Variants in GALNT10 observed in about 807,000 individuals in gnomAD.
GALNT10 encodes the protein GalNAc transferase 10.
In GALNT10, 41 loss-of-function variants were observed where a neutral mutation model predicts 75.0. That is an observed-to-expected ratio of 0.55 (90% CI 0.43 to 0.71). The LOEUF is 0.71. Ranked by LOEUF, GALNT10 falls within the 30% of genes least tolerant of loss-of-function variation. The pLI is 0.00. For synonymous variants in GALNT10, 302 were observed against 313.0 expected (o/e 0.96, Z 0.37); for missense variants, 727 against 818.5 (o/e 0.89, Z 1.36).
chr5:154,213,707 C>T (rs145404344), intron 1 of GALNT10, among the ~76,000 whole-genome samples: 284 of 152,190 alleles, frequency 1.9e-3, no homozygotes, highest in African/African-American at 6.4e-3. Context: ...TCAACACCCC[C>T]GGTTGCTGGG....
At chr5:154,350,293 G>C (rs1755187901) in intron 4 of GALNT10, among the ~76,000 whole-genome samples, 1 of 152,326 alleles carries the variant, frequency 6.6e-6, no homozygotes, top group South Asian at 2.1e-4. Context: ...CTTCAGCATG[G>C]CTGGGGCATG....
chr5:154,419,441 T>C lies in GALNT10; in HGVS notation c.*2469T>C, dbSNP rs1756585894. 6.6e-6 allele frequency: 1 copy of C among 152,296 alleles called. No individual in the cohort carries two copies. The highest frequency in any genetic ancestry group is 3.4e-3 in the Middle Eastern group (1 of 294). The allele number at this position is 152,296 out of a possible 1,614,324, so 9.4% of individuals were successfully genotyped here. ...GCCGAGCACTAGCTAGACTTCCACA[T>C]AGTCCCACCCCAAGTGGGCGGCAGT... is the stretch of plus-strand genomic sequence containing the variant. On this transcript the variant is annotated 3_prime_UTR_variant, in exon 12 of 12. Transcript: ENST00000297107.
chr5:154,254,428 G>A lies in GALNT10; in HGVS notation c.160-40388G>A, dbSNP rs1430972170. ...GAATCATTCCTGTTGGCAAAGAAAT[G>A]TTTACTAAGAGATGTTTTGTTTTTT... is the stretch of plus-strand genomic sequence containing the variant. On this transcript the variant is annotated intron_variant, in intron 1 of 11. Transcript: ENST00000297107. Among the ~76,000 whole-genome samples the A allele has an allele frequency of 4.0e-5, 6 of 151,712 alleles. No homozygotes were observed. The East Asian group carries it at 9.6e-4, about 24-fold the overall frequency.
chr5:154,278,363 C>G (rs977706901), intron 1 of GALNT10, among the ~76,000 whole-genome samples: 1 of 152,148 alleles, frequency 6.6e-6, no homozygotes, highest in Non-Finnish European at 1.5e-5. Context: ...TTGGGGACTT[C>G]TAGTCAAATA....
chr5:154,297,554 A>T (rs764085606), intron 2 of GALNT10, among the ~76,000 whole-genome samples: 2 of 152,224 alleles, frequency 1.3e-5, no homozygotes, highest in Non-Finnish European at 2.9e-5. Flanking sequence ...TGATCAGCTC[A>T]CAGATGGTGG....
intron 1 of GALNT10, among the ~76,000 whole-genome samples, chr5:154,219,015 C>CCCT (rs1431952777): frequency 6.6e-6 from 1 of 152,190 alleles, no homozygotes; most frequent in African/African-American, 2.4e-5. Flanking sequence ...CTGCCCAGAG[C>CCCT]CCTCCCCCGG....
chr5:154,398,339 G>C (rs1756089172), intron 7 of GALNT10, among the ~76,000 whole-genome samples: 1 of 152,254 alleles, frequency 6.6e-6, no homozygotes, highest in South Asian at 2.1e-4. Context: ...TCAGTGGCCT[G>C]TATTTGTCTG....
At chr5:154,268,195 G>T (rs968772716) in intron 1 of GALNT10, among the ~76,000 whole-genome samples, 1 of 152,174 alleles carries the variant, frequency 6.6e-6, no homozygotes, top group Non-Finnish European at 1.5e-5. Context: ...CACCTTGTAA[G>T]GGAGCAAGTC....
chr5:154,290,258 ATTTTTT>A (rs71577131), intron 1 of GALNT10, among the ~76,000 whole-genome samples: 80 of 98,896 alleles, frequency 8.1e-4, no homozygotes, highest in African/African-American at 3.0e-3. Flanking sequence ...CACTCAGCTA[ATTTTTT>A]TTTTTTTTTT....
intron 4 of GALNT10, among the ~76,000 whole-genome samples, chr5:154,354,071 A>G (rs544694983): frequency 1.3e-5 from 2 of 152,314 alleles, no homozygotes; most frequent in Admixed American, 6.5e-5. Context: ...CTAACCTACC[A>G]TTCCCTAGCA....
At chr5:154,296,324 G>C (rs1476555784) in intron 2 of GALNT10, among the ~76,000 whole-genome samples, 1 of 152,082 alleles carries the variant, frequency 6.6e-6, no homozygotes, top group Non-Finnish European at 1.5e-5. Context: ...TCGAACTCCT[G>C]GCCTCAGGTG....
intron 1 of GALNT10, among the ~76,000 whole-genome samples, chr5:154,273,486 A>G (rs1333437316): frequency 6.6e-6 from 1 of 152,150 alleles, no homozygotes; most frequent in Non-Finnish European, 1.5e-5. Context: ...GACTTTTGCA[A>G]GTTATAAAAG....
chr5:154,367,871 AAGAG>A (rs1190392254), intron 4 of GALNT10, among the ~76,000 whole-genome samples: 1 of 151,900 alleles, frequency 6.6e-6, no homozygotes, highest in Non-Finnish European at 1.5e-5. Flanking sequence ...AAAAAAAAAA[AAGAG>A]AGAGACTCAG....
chr5:154,192,371 T>C (rs1774871145), intron 1 of GALNT10, among the ~76,000 whole-genome samples: 1 of 152,258 alleles, frequency 6.6e-6, no homozygotes, highest in South Asian at 2.1e-4. Context: ...CCTAAACCCC[T>C]GGTTCAAACC....
At chr5:154,319,119 G>A (rs538302756) in intron 3 of GALNT10, among the ~76,000 whole-genome samples, 36 of 152,326 alleles carry the variant, frequency 2.4e-4, no homozygotes, top group African/African-American at 8.4e-4. Context: ...GCCTGGTCCT[G>A]ACCCCAGAGA....
intron 1 of GALNT10, among the ~76,000 whole-genome samples, chr5:154,229,694 C>T (rs1398973693): frequency 6.6e-6 from 1 of 152,026 alleles, no homozygotes; most frequent in African/African-American, 2.4e-5. Context: ...GAATGCGCCA[C>T]TGTACTCCAG....
intron 4 of GALNT10, among the ~76,000 whole-genome samples, chr5:154,369,438 G>A (rs1755530328): frequency 6.6e-6 from 1 of 152,112 alleles, no homozygotes; most frequent in African/African-American, 2.4e-5. Context: ...CAATGTGTAT[G>A]ATAGACAGCA....
intron 3 of GALNT10, among the ~76,000 whole-genome samples, chr5:154,327,137 A>G (rs554084374): frequency 6.6e-6 from 1 of 152,148 alleles, no homozygotes; most frequent in South Asian, 2.1e-4. Context: ...GATGGCATGA[A>G]CCTGGGAGAT....
intron 5 of GALNT10, among the ~76,000 whole-genome samples, chr5:154,377,681 G>A (rs776396083): frequency 6.6e-6 from 1 of 152,060 alleles, no homozygotes; most frequent in Admixed American, 6.6e-5. Context: ...AGATAATCCC[G>A]CAAATCTGTA....
Sources: allele counts gnomAD v4.1 joint callset (sites outside exome capture counted in the v4.1 genomes callset), GRCh38; gene constraint gnomAD v4.1.1; transcripts MANE v1.5; gene names NCBI Gene and HGNC (gene_info 2026-07-23, HGNC 2026-07-21).